Variants in LINGO2 observed in about 807,000 individuals in gnomAD.
LINGO2 encodes leucine-rich repeat and immunoglobulin-like domain-containing nogo receptor-interacting protein 2.
A neutral mutation model predicts 30.6 loss-of-function variants in LINGO2; 14 were observed. That is an observed-to-expected ratio of 0.46 (90% CI 0.30 to 0.72). The LOEUF (loss-of-function observed/expected upper bound fraction) is 0.72. Among genes scored for constraint, LINGO2 ranks in the 30% least tolerant of loss-of-function variants. The probability of loss-of-function intolerance (pLI) is 0.07; values close to 1 mark genes in which losing one functional copy is unlikely to be tolerated. For synonymous variants in LINGO2, 317 were observed against 288.5 expected (o/e 1.10, Z -1.00); for missense variants, 729 against 751.7 (o/e 0.97, Z 0.35).
chr9:28,457,783 G>A (rs1014574919), intron 2 of LINGO2, among the ~76,000 whole-genome samples: 1 of 152,062 alleles, frequency 6.6e-6, no homozygotes, highest in East Asian at 1.9e-4. Context: ...CCTCCAACCA[G>A]AGAATGAGAG....
the LINGO2 span, among the ~76,000 whole-genome samples, chr9:28,754,451 T>C: frequency 6.6e-6 from 1 of 152,094 alleles, no homozygotes; most frequent in Admixed American, 6.5e-5. Flanking sequence ...AAGATACTTG[T>C]TAGAAATATA....
At chr9:28,232,603 T>C (rs1230991291) in intron 4 of LINGO2, among the ~76,000 whole-genome samples, 2 of 152,114 alleles carry the variant, frequency 1.3e-5, no homozygotes, top group Non-Finnish European at 2.9e-5. Flanking sequence ...CTCATCATTA[T>C]TTTGTGTGTG....
At chr9:28,501,699 C>T (rs1819893808) in intron 1 of LINGO2, among the ~76,000 whole-genome samples, 1 of 150,506 alleles carries the variant, frequency 6.6e-6, no homozygotes, top group Middle Eastern at 3.6e-3. Context: ...ACACACACAC[C>T]CCTACATACA....
chr9:28,842,640 A>C, the LINGO2 span, among the ~76,000 whole-genome samples: 1 of 151,934 alleles, frequency 6.6e-6, no homozygotes, highest in African/African-American at 2.4e-5. Flanking sequence ...CCAGATACAC[A>C]GAAAGGCTAA....
chr9:28,438,983 A>G (rs1166094572), intron 2 of LINGO2, among the ~76,000 whole-genome samples: 1 of 147,330 alleles, frequency 6.8e-6, no homozygotes, highest in Non-Finnish European at 1.5e-5. Flanking sequence ...ATAATGAAAT[A>G]TAGATAATAT....
intron 3 of LINGO2, among the ~76,000 whole-genome samples, chr9:28,326,515 G>A (rs1217952909): frequency 6.6e-6 from 1 of 151,960 alleles, no homozygotes; most frequent in Non-Finnish European, 1.5e-5. Context: ...TTCTTATACA[G>A]TGTTCACCAC....
At position 28,078,770 on chromosome 9, in the gene LINGO2, C is replaced by G. The variant is rs188768295; in HGVS notation, c.-86-66365G>C. Among the ~76,000 whole-genome samples, 57 of 147,744 alleles carry G rather than the reference C, an allele frequency of 3.9e-4. 5 individuals are homozygous for G. The highest frequency in any genetic ancestry group is 1.7e-3 in the Admixed American group (26 of 15,104). Reference sequence around the variant, plus strand: ...GGCTGGGGCAGGAGAACCGCCTGAACCTGGGAGGCAGAGGTGGCAGTGAGC... The same window carrying G: ...GGCTGGGGCAGGAGAACCGCCTGAAGCTGGGAGGCAGAGGTGGCAGTGAGC... On this transcript the variant is annotated intron_variant, in intron 4 of 5. Coordinates refer to ENST00000379992, the Ensembl canonical transcript of LINGO2.
At chr9:28,417,987 C>G (rs10123139) in intron 2 of LINGO2, among the ~76,000 whole-genome samples, 18,842 of 152,142 alleles carry the variant, frequency 0.12, 1,362 homozygotes, top group East Asian at 0.24. Flanking sequence ...GGGGACTGAA[C>G]TATCATTCTT....
the LINGO2 span, among the ~76,000 whole-genome samples, chr9:28,926,857 C>A: frequency 6.6e-6 from 1 of 152,122 alleles, no homozygotes; most frequent in African/African-American, 2.4e-5. Context: ...CACTTACACT[C>A]CCTGCCCACC....
chr9:27,948,855 A>G (rs1823473933), exon 6 of LINGO2: 1 of 1,605,890 alleles, frequency 6.2e-7, no homozygotes, highest in East Asian at 2.2e-5. Context: ...GGGCCTTCAA[A>G]TCATTTTCAT....
intron 2 of LINGO2, among the ~76,000 whole-genome samples, chr9:28,457,654 A>G (rs1824904589): frequency 6.6e-6 from 1 of 151,832 alleles, no homozygotes; most frequent in Non-Finnish European, 1.5e-5. Flanking sequence ...TTGGTCTCCA[A>G]CTCCTGGCTT....
At chr9:28,523,348 A>G (rs1820896094) in intron 1 of LINGO2, among the ~76,000 whole-genome samples, 1 of 152,166 alleles carries the variant, frequency 6.6e-6, no homozygotes, top group African/African-American at 2.4e-5. Flanking sequence ...CAGAAAACCC[A>G]CAGCTCATAT....
rs373090121 is a variant in LINGO2, at chr9:28,251,475, T to A, written c.-87+43733A>T. 5.6e-4 allele frequency among the ~76,000 whole-genome samples: 85 copies of A among 152,252 alleles called. 1 individual carries two copies. The South Asian group carries it at 0.017, about 31-fold the overall frequency. On this transcript the variant is annotated intron_variant, in intron 4 of 5. Transcript: ENST00000379992. The stretch of plus-strand genomic sequence containing the variant: ...GATAAACTGTGTGACAAATTTCAAG[T>A]CCTCTTATTTGAGGATTAGTTGTCA...
At position 27,949,775 on chromosome 9, in the gene LINGO2, A is replaced by C; in HGVS notation, c.897T>G (p.Leu299=). 1.9e-6 allele frequency: 3 copies of C among 1,614,142 alleles called. No individual in the cohort carries two copies. The East Asian group carries it at 6.7e-5, about 36-fold the overall frequency. ...GGGCCCCCACTATATGAAGCTCCTG[A>C]AGGCGGATCAGGTCAGAGAACATGC... The change falls in exon 6 of 6, where the codon CTT becomes CTG. Residue 299 remains leucine, a synonymous_variant. Coordinates refer to ENST00000379992, the Ensembl canonical transcript of LINGO2.
the LINGO2 span, among the ~76,000 whole-genome samples, chr9:28,859,357 G>A: frequency 6.6e-6 from 1 of 151,982 alleles, no homozygotes; most frequent in Admixed American, 6.6e-5. Flanking sequence ...AAAATAAAAG[G>A]TTGATATTCT....
intron 4 of LINGO2, among the ~76,000 whole-genome samples, chr9:28,287,605 C>G (rs139374977): frequency 6.6e-6 from 1 of 151,962 alleles, no homozygotes. Context: ...GCCGTGTTCT[C>G]GAGGAGGAAA....
chr9:28,328,282 C>A (rs1401714582), intron 3 of LINGO2, among the ~76,000 whole-genome samples: 2 of 151,840 alleles, frequency 1.3e-5, no homozygotes, highest in Admixed American at 6.6e-5. Context: ...ATAAGGTATC[C>A]AAAAAGTAAA....
chr9:28,566,052 T>C (rs1823364628), intron 1 of LINGO2, among the ~76,000 whole-genome samples: 1 of 152,070 alleles, frequency 6.6e-6, no homozygotes, highest in Non-Finnish European at 1.5e-5. Context: ...ACCAGCGAAG[T>C]GGCCTGCAGA....
chr9:28,863,286 G>C, the LINGO2 span, among the ~76,000 whole-genome samples: 1 of 151,900 alleles, frequency 6.6e-6, no homozygotes, highest in Non-Finnish European at 1.5e-5. Flanking sequence ...CTTCAAAATG[G>C]TATGCTTAGG....
Sources: gnomAD v4.1 joint callset for allele counts (sites outside exome capture counted in the v4.1 genomes callset) on GRCh38, gnomAD v4.1.1 for gene constraint, MANE v1.5 for transcripts, NCBI Gene and HGNC (gene_info 2026-07-23, HGNC 2026-07-21) for gene names.